NUP153: variants seen among roughly 807,000 people sequenced by gnomAD.
NUP153 encodes nuclear pore complex protein Nup153.
A neutral mutation model predicts 134.6 loss-of-function variants in NUP153; 27 were observed. The observed-to-expected ratio is 0.20, with a 90% CI of 0.15 to 0.28. NUP153 has a LOEUF of 0.28. Among genes scored for constraint, NUP153 ranks in the 10% least tolerant of loss-of-function variants. NUP153 has a pLI of 1.00. For synonymous variants in NUP153, 640 were observed against 623.5 expected (o/e 1.03, Z -0.40); for missense variants, 1,821 against 1,731.3 (o/e 1.05, Z -0.92).
intron 1 of NUP153, among the ~76,000 whole-genome samples, chr6:17,702,573 G>A (rs1013957187): frequency 3.9e-5 from 6 of 151,996 alleles, no homozygotes; most frequent in African/African-American, 9.7e-5. Flanking sequence ...CTACTCGGGA[G>A]GCTGAGGCAG....
chr6:17,705,466 T>C (rs560134910), intron 1 of NUP153, among the ~76,000 whole-genome samples: 14 of 152,036 alleles, frequency 9.2e-5, no homozygotes, highest in African/African-American at 3.4e-4. Flanking sequence ...GTAACTATAC[T>C]TCTAGAATAC....
rs1465149037 is a variant in NUP153 at position 17,706,501 on chromosome 6, C to G, written c.-114G>C. 1 of 735,420 alleles carries G rather than the reference C, an allele frequency of 1.4e-6. No homozygotes were observed. The highest frequency in any genetic ancestry group is 2.2e-6 in the Non-Finnish European group (1 of 455,248). 45.6% of individuals were successfully genotyped at this position (735,420 alleles called of 1,614,324 possible). A position where few individuals can be genotyped will look rare whatever the true frequency, so the allele number is the denominator to read the frequency against. On this transcript the variant is annotated 5_prime_UTR_variant, in exon 1 of 22. Coordinates refer to ENST00000262077, the MANE Select transcript of NUP153 (RefSeq NM_005124.4). This position sits in a 1 kb window ranked among gnomAD's most constrained non-coding sequence, Gnocchi z 5.9. ...CGGCCCCGGCCCAAAAGTCCGCCCG[C>G]GCTGTCCACACAGTGGGCACAAGCA... is the stretch of plus-strand genomic sequence containing the variant.
intron 1 of NUP153, among the ~76,000 whole-genome samples, chr6:17,701,844 G>GGAA (rs1554148666): frequency 0.024 from 1,956 of 81,740 alleles, 308 homozygotes; most frequent in African/African-American, 0.035. Context: ...GGGGGGGGGG[G>GGAA]AAAAAAGCTA....
chr6:17,694,603 G>A (rs916939536), intron 1 of NUP153, among the ~76,000 whole-genome samples: 1 of 152,110 alleles, frequency 6.6e-6, no homozygotes, highest in Non-Finnish European at 1.5e-5. Flanking sequence ...GTTGCAGTGA[G>A]CCAAGATCGC....
rs1241509181 is a variant in NUP153 at position 17,625,893 on chromosome 6, T to C, written c.3816A>G (p.Pro1272=). ...TTSSTGTAVT[P]FVFGPGASSN... is the part of the protein sequence containing the mutation. ...TGCTGGCTCCTGGACCAAAGACAAA[T>C]GGGGTGACAGCTGTACCTGTGCTGG... Residue 1272 remains proline (P), a synonymous_variant, in exon 19 of 22, where the codon CCA becomes CCG. Transcript: ENST00000262077. The surrounding 1 kb of genome is among the most constrained non-coding windows in gnomAD (Gnocchi z 4.7). The C allele has an allele frequency of 2.5e-6, 4 of 1,614,184 alleles. No individual in the cohort carries two copies. The highest frequency in any genetic ancestry group is 3.4e-6 in the Non-Finnish European group (4 of 1,180,038).
Position 17,703,744 on chromosome 6 carries a change from T to C in NUP153, c.111+2533A>G, listed in dbSNP as rs1034389675. On this transcript the variant is annotated intron_variant, in intron 1 of 21. Transcript: ENST00000262077. ...GTTTCTGCCAATATTAAATAGCACC[T>C]ACAGTGTTGATCAAGAAACCCCTAA... Among the ~76,000 whole-genome samples the C allele has an allele frequency of 4.6e-5, 7 of 152,074 alleles. No homozygotes were observed. In the South Asian group the frequency reaches 1.2e-3, roughly 27 times the overall value.
intron 1 of NUP153, among the ~76,000 whole-genome samples, chr6:17,699,681 C>CA: frequency 6.6e-6 from 1 of 151,538 alleles, no homozygotes; most frequent in Admixed American, 6.6e-5. Flanking sequence ...ACTAAAAATA[C>CA]AAAAATAGCC....
chr6:17,626,551 T>A (rs1764960335), intron 18 of NUP153, among the ~76,000 whole-genome samples: 1 of 152,248 alleles, frequency 6.6e-6, no homozygotes, highest in African/African-American at 2.4e-5. Context: ...TAACTTCAAT[T>A]TATCTAAATG....
Position 17,662,048 on chromosome 6 carries a change from G to A in NUP153, c.1238C>T (p.Thr413Ile). 1 of 1,612,116 alleles carries A rather than the reference G, an allele frequency of 6.2e-7. No individual in the cohort carries two copies. Among genetic ancestry groups the A allele is most frequent in the Non-Finnish European group, 8.5e-7 (1 of 1,178,858 alleles). ...TCGTTGTTCTCTATTTTGTCCGGGT[G>A]TCATATTTTTTTCATATCCAGTCTG... ...KCSTGYEKNM[T>I]PGQNREQRES... The change falls in exon 10 of 22, where the codon ACA becomes ATA. Residue 413 changes from threonine (T) to isoleucine (I), a missense_variant. By Grantham distance (89) the Thr-to-Ile change is moderately conservative (BLOSUM62 -1). Coordinates refer to ENST00000262077, the MANE Select transcript of NUP153 (RefSeq NM_005124.4).
intron 2 of NUP153, among the ~76,000 whole-genome samples, chr6:17,679,933 C>T (rs1487577558): frequency 6.6e-6 from 1 of 152,182 alleles, no homozygotes; most frequent in Non-Finnish European, 1.5e-5. Context: ...AGCATTGTTG[C>T]CACCGGCCAG....
At chr6:17,657,905 T>C (rs1561881101) in intron 11 of NUP153, among the ~76,000 whole-genome samples, 1 of 152,266 alleles carries the variant, frequency 6.6e-6, no homozygotes, top group Non-Finnish European at 1.5e-5. Context: ...TTTATGTTTT[T>C]TAGCTGATGA....
chr6:17,688,716 T>G, intron 1 of NUP153, 98 bp from the exon 2 acceptor site: 2 of 902,562 alleles, frequency 2.2e-6, no homozygotes, highest in Middle Eastern at 3.2e-4. Context: ...AACACAATGG[T>G]GTCCAACAAG....
At chr6:17,688,256 A>G (rs947199839) in intron 2 of NUP153, 140 bp downstream of exon 2, 1 of 619,342 alleles carries the variant, frequency 1.6e-6, no homozygotes, top group African/African-American at 1.9e-5. Flanking sequence ...TAAAAAAGAC[A>G]TCCAATTTGA....
chr6:17,628,927 G>A lies in NUP153; in HGVS notation c.3272C>T (p.Ser1091Phe). The change falls in exon 18 of 22, where the codon TCT becomes TTT. Residue 1091 changes from serine (S) to phenylalanine (F), a missense_variant. Coordinates refer to ENST00000262077, the MANE Select transcript of NUP153 (RefSeq NM_005124.4). This position sits in a 1 kb window ranked among gnomAD's most constrained non-coding sequence, Gnocchi z 5.4. Reference protein sequence around the residue: ...GFSFGNVEPASLPSASVFVLG... With the variant: ...GFSFGNVEPAFLPSASVFVLG... ...AACAAACACTGAGGCAGATGGCAGA[G>A]AGGCAGGCTCCACGTTGCCAAAAGA... is the stretch of plus-strand genomic sequence containing the variant. 1 of 1,614,176 alleles carries A rather than the reference G, an allele frequency of 6.2e-7. No individual in the cohort carries two copies. Among genetic ancestry groups the A allele is most frequent in the Non-Finnish European group, 8.5e-7 (1 of 1,180,034 alleles).
intron 11 of NUP153, among the ~76,000 whole-genome samples, chr6:17,655,455 T>C (rs1314579577): frequency 9.0e-6 from 1 of 111,164 alleles, no homozygotes; most frequent in Non-Finnish European, 1.8e-5. Flanking sequence ...AATCTTATTA[T>C]TACTTTTTTT....
intron 14 of NUP153, among the ~76,000 whole-genome samples, chr6:17,641,649 C>A (rs767274453): frequency 6.6e-6 from 1 of 152,068 alleles, no homozygotes; most frequent in South Asian, 2.1e-4. Context: ...GTCAGGAGAT[C>A]GAGACCACCC....
rs2150258824 is a variant in NUP153, at chr6:17,706,556, G to T, written c.-169C>A. The T allele has an allele frequency of 1.7e-6, 1 of 595,224 alleles. No individual in the cohort carries two copies. The highest frequency in any genetic ancestry group is 3.0e-6 in the Non-Finnish European group (1 of 338,556). The allele number at this position is 595,224 out of a possible 1,614,324, so 36.9% of individuals were successfully genotyped here. A position where few individuals can be genotyped will look rare whatever the true frequency, so the allele number is the denominator to read the frequency against. On this transcript the variant is annotated 5_prime_UTR_variant, in exon 1 of 22. Coordinates refer to ENST00000262077, the MANE Select transcript of NUP153 (RefSeq NM_005124.4). The surrounding 1 kb of genome is among the most constrained non-coding windows in gnomAD (Gnocchi z 5.9). ...AGGAACCGCGAGGTTGCGAGCAGGAGCGGAGAGAGGGTGAGTGCTGGCAGC... is the reference window on the plus strand; with the variant it reads ...AGGAACCGCGAGGTTGCGAGCAGGATCGGAGAGAGGGTGAGTGCTGGCAGC...
chr6:17,687,702 CAA>C (rs1334174741), intron 2 of NUP153, among the ~76,000 whole-genome samples: 1 of 151,828 alleles, frequency 6.6e-6, no homozygotes. Flanking sequence ...CATAGGGCTA[CAA>C]AAAGTTTTGT....
Position 17,637,639 on chromosome 6 carries a change from A to T in NUP153, c.1978T>A (p.Ser660Thr). ...IGFGESLKAG[S>T]SWQCDTCLLQ... ...AGACATGTATCACACTGCCATGATG[A>T]CCCAGCTTTTAAACTCTCCCCAAAC... is the stretch of plus-strand genomic sequence containing the variant. The change falls in exon 16 of 22, where the codon TCA becomes ACA. Residue 660 changes from serine (S) to threonine (T), a missense_variant. Transcript: ENST00000262077. 6.2e-7 allele frequency: 1 copy of T among 1,613,934 alleles called. No homozygotes were observed. Among genetic ancestry groups the T allele is most frequent in the Non-Finnish European group, 8.5e-7 (1 of 1,180,034 alleles).
Sources: allele counts gnomAD v4.1 joint callset (sites outside exome capture counted in the v4.1 genomes callset), GRCh38; gene constraint gnomAD v4.1.1; non-coding constraint Gnocchi (gnomAD v3.1); transcripts MANE v1.5; gene names NCBI Gene and HGNC (gene_info 2026-07-23, HGNC 2026-07-21).